Variants in NCK2 observed in about 807,000 individuals in gnomAD.
NCK2 encodes the protein cytoplasmic protein NCK2.
A neutral mutation model predicts 33.9 loss-of-function variants in NCK2; 16 were observed. That is an observed-to-expected ratio of 0.47 (90% CI 0.32 to 0.72). The LOEUF (loss-of-function observed/expected upper bound fraction) is 0.72. NCK2 is among the 30% of genes least tolerant of loss of function. NCK2 has a pLI of 0.03. For missense variants in NCK2, 418 were observed against 537.3 expected, an observed-to-expected ratio of 0.78 and a Z score of 2.19; for synonymous variants, 273 against 239.9, an observed-to-expected ratio of 1.14 and a Z score of -1.27.
At chr2:105,850,831 GTC>G (rs1364491303) in intron 2 of NCK2, among the ~76,000 whole-genome samples, 1 of 152,116 alleles carries the variant, frequency 6.6e-6, no homozygotes, top group Non-Finnish European at 1.5e-5. Context: ...CAGTTTGTAT[GTC>G]TAATTTTATT....
At chr2:105,776,738 C>T (rs906937868) in intron 1 of NCK2, among the ~76,000 whole-genome samples, 4 of 152,164 alleles carry the variant, frequency 2.6e-5, no homozygotes, top group African/African-American at 9.7e-5. Context: ...GCTCCGGGCT[C>T]CCAGCTCCTG....
chr2:105,786,727 C>T (rs1216228713), intron 1 of NCK2, among the ~76,000 whole-genome samples: 4 of 152,178 alleles, frequency 2.6e-5, no homozygotes, highest in East Asian at 3.9e-4. Flanking sequence ...TCTCTTATTT[C>T]TCTGCCTCCT....
chr2:105,780,071 C>T (rs951191849), intron 1 of NCK2, among the ~76,000 whole-genome samples: 1 of 152,110 alleles, frequency 6.6e-6, no homozygotes, highest in Non-Finnish European at 1.5e-5. Context: ...TTACCTTATT[C>T]AATGGCATTA....
At chr2:105,760,866 G>A (rs1262563081) in intron 1 of NCK2, among the ~76,000 whole-genome samples, 2 of 151,840 alleles carry the variant, frequency 1.3e-5, no homozygotes, top group Admixed American at 6.6e-5. Flanking sequence ...AAAAATCACC[G>A]AAAAATCTTC....
At chr2:105,762,466 T>A (rs1390556157) in intron 1 of NCK2, among the ~76,000 whole-genome samples, 1 of 152,188 alleles carries the variant, frequency 6.6e-6, no homozygotes, top group African/African-American at 2.4e-5. Context: ...GAAGCTCATG[T>A]CCCAGGGTCT....
At position 105,852,746 on chromosome 2, in the gene NCK2, G is replaced by A. The variant is rs1398465115; in HGVS notation, c.-16-2302G>A. On this transcript the variant is annotated intron_variant, in intron 2 of 4. Transcript: ENST00000233154. ...CTATTGCTCTTCTTCTTGTTACTTAGAAAATCTGCCTTTATGACTTTCAAA... is the reference window on the plus strand; with the variant it reads ...CTATTGCTCTTCTTCTTGTTACTTAAAAAATCTGCCTTTATGACTTTCAAA... Among the ~76,000 whole-genome samples, 5 of 152,084 alleles carry A rather than the reference G, an allele frequency of 3.3e-5. No individual in the cohort carries two copies. In the East Asian group the frequency reaches 9.6e-4, roughly 29 times the overall value.
At chr2:105,848,447 A>C (rs748314858) in intron 2 of NCK2, 2 of 152,256 alleles carry the variant, frequency 1.3e-5, no homozygotes, top group Non-Finnish European at 2.9e-5. Flanking sequence ...AACAGAAGAC[A>C]GATCATGAAA....
chr2:105,768,741 T>A (rs1376004031), intron 1 of NCK2, among the ~76,000 whole-genome samples: 5 of 152,204 alleles, frequency 3.3e-5, no homozygotes, highest in Non-Finnish European at 7.3e-5. Flanking sequence ...CCAAGATGAT[T>A]CTTACAGTGT....
At chr2:105,822,893 A>C (rs1675797122) in intron 2 of NCK2, among the ~76,000 whole-genome samples, 1 of 152,018 alleles carries the variant, frequency 6.6e-6, no homozygotes, top group South Asian at 2.1e-4. Flanking sequence ...AGTACGGCCC[A>C]GCGTTGGATG....
intron 1 of NCK2, among the ~76,000 whole-genome samples, chr2:105,792,237 A>G (rs961759949): frequency 5.9e-5 from 9 of 152,176 alleles, no homozygotes; most frequent in African/African-American, 2.2e-4. Flanking sequence ...ATCACATTTT[A>G]TGATGATCTT....
intron 1 of NCK2, among the ~76,000 whole-genome samples, chr2:105,813,923 G>GC (rs1265496685): frequency 6.6e-6 from 1 of 152,212 alleles, no homozygotes; most frequent in African/African-American, 2.4e-5. Context: ...TGCACGTAGT[G>GC]CTAGTGAAGT....
At chr2:105,792,082 C>T (rs796175932) in intron 1 of NCK2, among the ~76,000 whole-genome samples, 4 of 152,068 alleles carry the variant, frequency 2.6e-5, no homozygotes, top group Admixed American at 1.3e-4. Flanking sequence ...CCTTGGTGAC[C>T]GGAGAGATGG....
intron 1 of NCK2, among the ~76,000 whole-genome samples, chr2:105,811,974 C>T (rs950342917): frequency 1.2e-4 from 19 of 152,312 alleles, no homozygotes; most frequent in African/African-American, 3.6e-4. Flanking sequence ...CACTTTTCTC[C>T]TGCAAACACC....
chr2:105,856,134 C>G (rs1677260121), intron 3 of NCK2, among the ~76,000 whole-genome samples: 1 of 152,144 alleles, frequency 6.6e-6, no homozygotes, highest in African/African-American at 2.4e-5. Context: ...GTGCCCGGCT[C>G]CCCATGTGCC....
chr2:105,807,029 T>A (rs1243702665), intron 1 of NCK2, among the ~76,000 whole-genome samples: 2 of 152,184 alleles, frequency 1.3e-5, no homozygotes. Flanking sequence ...AGAGTCCTAT[T>A]GTGACTTTTC....
At chr2:105,849,094 G>C (rs1676961849) in intron 2 of NCK2, among the ~76,000 whole-genome samples, 1 of 152,172 alleles carries the variant, frequency 6.6e-6, no homozygotes, top group Admixed American at 6.5e-5. Flanking sequence ...TTAAGTTTAA[G>C]AAATCAAGAC....
intron 1 of NCK2, among the ~76,000 whole-genome samples, chr2:105,805,141 T>G (rs1321780107): frequency 6.6e-6 from 1 of 152,204 alleles, no homozygotes; most frequent in East Asian, 1.9e-4. Flanking sequence ...AAATAGTGCT[T>G]TTTATGGGCA....
intron 2 of NCK2, among the ~76,000 whole-genome samples, chr2:105,818,155 A>T (rs1186555777): frequency 2.0e-5 from 3 of 151,724 alleles, no homozygotes; most frequent in Non-Finnish European, 2.9e-5. Flanking sequence ...GGAAACCATC[A>T]TTCTCAGCAA....
At chr2:105,806,845 A>G (rs201469520) in intron 1 of NCK2, among the ~76,000 whole-genome samples, 4 of 150,058 alleles carry the variant, frequency 2.7e-5, no homozygotes, top group Non-Finnish European at 6.0e-5. Context: ...TTAAAAAAAA[A>G]CCCAACCAAC....
Sources: allele counts gnomAD v4.1 joint callset (sites outside exome capture counted in the v4.1 genomes callset), GRCh38; gene constraint gnomAD v4.1.1; transcripts MANE v1.5; gene names NCBI Gene and HGNC (gene_info 2026-07-23, HGNC 2026-07-21).